CAST: variants seen among roughly 807,000 people sequenced by gnomAD.
CAST encodes calpastatin, also known as MIR583 host.
A neutral mutation model predicts 119.6 loss-of-function variants in CAST; 76 were observed. That is an observed-to-expected ratio of 0.64 (90% CI 0.53 to 0.77). CAST has a LOEUF of 0.77. CAST is among the 30% of genes least tolerant of loss of function. CAST has a pLI of 0.00. For missense variants in CAST, 953 were observed against 946.5 expected (o/e 1.01, Z -0.09); for synonymous variants, 319 against 331.6 (o/e 0.96, Z 0.41).
At chr5:96,432,878 A>G in the CAST span, 1 of 1,613,850 alleles carries the variant, frequency 6.2e-7, no homozygotes, top group Non-Finnish European at 8.5e-7. Flanking sequence ...CCAAAAGGTC[A>G]TAGCCCAGCT....
chr5:96,184,003 A>G, the CAST span, among the ~76,000 whole-genome samples: 341 of 152,344 alleles, frequency 2.2e-3, 1 homozygote, highest in African/African-American at 7.9e-3. Context: ...CATATTTTCC[A>G]AAGAAAAATG....
chr5:96,111,362 T>G, the CAST span, among the ~76,000 whole-genome samples: 1 of 152,186 alleles, frequency 6.6e-6, no homozygotes, highest in African/African-American at 2.4e-5. Context: ...CCTGGACACT[T>G]TCCCAATACC....
At chr5:96,548,704 T>C (rs1283998150) in intron 1 of CAST, among the ~76,000 whole-genome samples, 3 of 152,198 alleles carry the variant, frequency 2.0e-5, no homozygotes, top group Non-Finnish European at 4.4e-5. Context: ...GGTACTCTTC[T>C]CTCTAGTTTA....
intron 1 of CAST, among the ~76,000 whole-genome samples, chr5:96,623,147 A>G (rs1450943894): frequency 6.6e-6 from 1 of 152,116 alleles, no homozygotes; most frequent in Non-Finnish European, 1.5e-5. Context: ...TACAGGCATG[A>G]GCCACTGCAC....
At chr5:96,408,207 G>A in the CAST span, 1 of 1,587,300 alleles carries the variant, frequency 6.3e-7, no homozygotes, top group Non-Finnish European at 8.7e-7. Context: ...GTGATTAGAA[G>A]CTTTCTGGGC....
At chr5:96,650,221 G>A (rs575189476) in intron 1 of CAST, among the ~76,000 whole-genome samples, 24 of 152,320 alleles carry the variant, frequency 1.6e-4, no homozygotes, top group African/African-American at 5.8e-4. Context: ...TGGACTAGAA[G>A]TACGAGGGAT....
At chr5:96,302,187 A>C in the CAST span, among the ~76,000 whole-genome samples, 1,407 of 152,282 alleles carry the variant, frequency 9.2e-3, 26 homozygotes, top group African/African-American at 0.033. Flanking sequence ...CCTGAGATGT[A>C]TCTGGGGTCC....
chr5:96,614,173 T>C (rs1747413495), intron 1 of CAST, among the ~76,000 whole-genome samples: 1 of 152,168 alleles, frequency 6.6e-6, no homozygotes, highest in South Asian at 2.1e-4. Context: ...TTAATTAACA[T>C]GATTAAAGGT....
At chr5:96,228,955 A>G in the CAST span, among the ~76,000 whole-genome samples, 3 of 152,166 alleles carry the variant, frequency 2.0e-5, no homozygotes, top group African/African-American at 7.2e-5. Context: ...TCCTGGATTT[A>G]CCAATTATTT....
the CAST span, among the ~76,000 whole-genome samples, chr5:96,499,939 G>A: frequency 3.3e-5 from 5 of 152,182 alleles, no homozygotes; most frequent in East Asian, 9.6e-4. Context: ...AGAGGTCATC[G>A]TTGGGATATT....
At chr5:96,104,262 G>T in the CAST span, among the ~76,000 whole-genome samples, 21 of 152,182 alleles carry the variant, frequency 1.4e-4, no homozygotes, top group African/African-American at 4.6e-4. Flanking sequence ...GTCAATTTTG[G>T]CTTTTGTTGC....
intron 1 of CAST, among the ~76,000 whole-genome samples, chr5:96,616,477 G>A (rs1279587690): frequency 6.6e-6 from 1 of 152,120 alleles, no homozygotes; most frequent in Non-Finnish European, 1.5e-5. Context: ...ATCCACTTTA[G>A]TGCCTGGGAC....
rs1338060374 is a variant in CAST at position 96,750,750 on chromosome 5, G to A, written c.1524+68G>A. ...TTTCTGCCTCCTCCTGTCACTCTCTGCTGTGTATTACCATCATTTTATCTT... is the reference window on the plus strand; with the variant it reads ...TTTCTGCCTCCTCCTGTCACTCTCTACTGTGTATTACCATCATTTTATCTT... On this transcript the variant is annotated intron_variant, in intron 20 of 31. Transcript: ENST00000675179. 6.1e-6 allele frequency: 5 copies of A among 825,706 alleles called. No homozygotes were observed. The African/African-American group carries it at 6.7e-5, about 11-fold the overall frequency. The allele number at this position is 825,706 out of a possible 1,614,324, so 51.1% of individuals were successfully genotyped here.
the CAST span, among the ~76,000 whole-genome samples, chr5:96,069,388 T>C: frequency 1.3e-5 from 1 of 78,568 alleles, no homozygotes; most frequent in Non-Finnish European, 3.4e-5. Context: ...TGTGTCTATG[T>C]GTGTGTGTGT....
At chr5:96,252,945 T>TA in the CAST span, among the ~76,000 whole-genome samples, 1 of 152,132 alleles carries the variant, frequency 6.6e-6, no homozygotes, top group African/African-American at 2.4e-5. Context: ...TGCCAGCTGT[T>TA]ACGGACTTGG....
At chr5:96,682,221 C>A (rs139493315) in intron 2 of CAST, among the ~76,000 whole-genome samples, 1 of 152,188 alleles carries the variant, frequency 6.6e-6, no homozygotes, top group East Asian at 1.9e-4. Flanking sequence ...ATTAGACATT[C>A]ACTAATCATC....
the CAST span, among the ~76,000 whole-genome samples, chr5:96,105,598 G>T: frequency 2.6e-5 from 4 of 152,136 alleles, no homozygotes; most frequent in African/African-American, 9.7e-5. Context: ...CTTGATCATG[G>T]TGGATAAGCT....
chr5:96,442,156 G>A, the CAST span, among the ~76,000 whole-genome samples: 1 of 152,162 alleles, frequency 6.6e-6, no homozygotes, highest in Non-Finnish European at 1.5e-5. Flanking sequence ...TTCCACTTAT[G>A]TGGAATAGTT....
At chr5:96,029,345 A>C in the CAST span, among the ~76,000 whole-genome samples, 2,166 of 152,238 alleles carry the variant, frequency 0.014, 40 homozygotes, top group African/African-American at 0.049. Flanking sequence ...GAAAAAACAG[A>C]TATGACTTTG....
Sources: allele counts gnomAD v4.1 joint callset (sites outside exome capture counted in the v4.1 genomes callset), GRCh38; gene constraint gnomAD v4.1.1; transcripts MANE v1.5; gene names NCBI Gene and HGNC (gene_info 2026-07-23, HGNC 2026-07-21).